The following STK32B variants were observed in gnomAD, a reference collection of about 807,000 sequenced individuals.
STK32B encodes the protein serine/threonine kinase 32B, also known as serine/threonine-protein kinase 32B.
In STK32B, 43 loss-of-function variants were observed where a neutral mutation model predicts 52.6. The ratio of observed to expected loss-of-function variants is 0.82; its 90% CI spans 0.64 to 1.05. STK32B has a LOEUF of 1.05. Among genes scored for constraint, STK32B ranks in the 50% least tolerant of loss-of-function variants. The pLI is 0.00. For missense variants in STK32B, 621 were observed against 534.6 expected, an observed-to-expected ratio of 1.16 and a Z score of -1.59; for synonymous variants, 238 against 204.3, an observed-to-expected ratio of 1.17 and a Z score of -1.41.
chr4:5,482,550 C>T (rs868027927), intron 11 of STK32B, among the ~76,000 whole-genome samples: 6 of 152,162 alleles, frequency 3.9e-5, no homozygotes, highest in South Asian at 2.1e-4. Flanking sequence ...ATTTGACTTC[C>T]TCTTTTCCTA....
chr4:5,317,517 A>G (rs1269707075), intron 3 of STK32B, among the ~76,000 whole-genome samples: 2 of 105,444 alleles, frequency 1.9e-5, no homozygotes, highest in Admixed American at 1.2e-4. Context: ...TGTATAATAT[A>G]TTTATTATAT....
At chr4:5,420,080 A>G (rs1311434331) in intron 6 of STK32B, among the ~76,000 whole-genome samples, 2 of 152,156 alleles carry the variant, frequency 1.3e-5, no homozygotes, top group South Asian at 2.1e-4. Context: ...ATTTCTTTCC[A>G]TTTTAGAGTT....
At chr4:5,446,645 G>A (rs924305800) in intron 6 of STK32B, 28 bp from the exon 7 acceptor site, 1 of 1,602,780 alleles carries the variant, frequency 6.2e-7, no homozygotes, top group Admixed American at 1.7e-5. Context: ...GATACACAAT[G>A]ATGTTCTCCT....
chr4:5,258,690 C>T (rs1206501254), intron 3 of STK32B, among the ~76,000 whole-genome samples: 1 of 152,188 alleles, frequency 6.6e-6, no homozygotes, highest in Non-Finnish European at 1.5e-5. Flanking sequence ...AGCTTCCACC[C>T]TGGTTCAAGT....
At chr4:5,254,852 A>G (rs1474581486) in intron 3 of STK32B, among the ~76,000 whole-genome samples, 1 of 152,090 alleles carries the variant, frequency 6.6e-6, no homozygotes, top group Non-Finnish European at 1.5e-5. Context: ...ATAAAGGATG[A>G]GACTCATGAA....
chr4:5,389,734 C>G (rs936062614), intron 4 of STK32B, among the ~76,000 whole-genome samples: 3 of 152,170 alleles, frequency 2.0e-5, no homozygotes, highest in Admixed American at 6.5e-5. Context: ...AATGCCCCCC[C>G]CAAAGATGCC....
intron 9 of STK32B, among the ~76,000 whole-genome samples, chr4:5,465,235 C>A (rs1305961051): frequency 6.6e-6 from 1 of 152,166 alleles, no homozygotes; most frequent in Non-Finnish European, 1.5e-5. Flanking sequence ...GTGGCAGGGG[C>A]TGGGCTAGGA....
At chr4:5,231,861 T>C (rs981587782) in intron 3 of STK32B, among the ~76,000 whole-genome samples, 2 of 152,008 alleles carry the variant, frequency 1.3e-5, no homozygotes, top group Admixed American at 6.6e-5. Context: ...GCGGGTATTT[T>C]TTGAGGTGGG....
Position 5,460,120 on chromosome 4 carries a change from T to C in STK32B, c.801T>C (p.Pro267=). The C allele has an allele frequency of 6.2e-7, 1 of 1,614,204 alleles. No individual in the cohort carries two copies. The highest frequency in any genetic ancestry group is 8.5e-7 in the Non-Finnish European group (1 of 1,180,036). Residue 267 remains proline, a synonymous_variant, in exon 9 of 12, where the codon CCT becomes CCC. Coordinates refer to ENST00000282908, the MANE Select transcript of STK32B (RefSeq NM_018401.3). The surrounding 1 kb of genome is among the most constrained non-coding windows in gnomAD (Gnocchi z 4.8). ...AACTGCAGCTCCTGACCAAGGATCC[T>C]GAGAGCCGCGTGTCCAGCCTTCATG... ...ALLRKLLTKD[P]ESRVSSLHDI... is the part of the protein sequence containing the mutation.
At chr4:5,334,191 A>G (rs1365824890) in intron 4 of STK32B, among the ~76,000 whole-genome samples, 1 of 151,954 alleles carries the variant, frequency 6.6e-6, no homozygotes, top group African/African-American at 2.4e-5. Context: ...GAGGTCCTTC[A>G]TGTCCCTTGT....
intron 4 of STK32B, among the ~76,000 whole-genome samples, chr4:5,388,872 T>G (rs2109033113): frequency 6.6e-6 from 1 of 152,350 alleles, no homozygotes; most frequent in African/African-American, 2.4e-5. Context: ...TGAGATATAC[T>G]TGGGAGTAAT....
At chr4:5,497,800 A>G (rs1224653329) in intron 11 of STK32B, among the ~76,000 whole-genome samples, 1 of 152,186 alleles carries the variant, frequency 6.6e-6, no homozygotes, top group Non-Finnish European at 1.5e-5. Flanking sequence ...GACCCTGCAT[A>G]TAAGCAGCAT....
At chr4:5,358,848 G>A (rs1178626952) in intron 4 of STK32B, among the ~76,000 whole-genome samples, 6 of 152,194 alleles carry the variant, frequency 3.9e-5, no homozygotes, top group Non-Finnish European at 1.5e-5. Flanking sequence ...AACAGAGACA[G>A]GTAGTGACAA....
At chr4:5,251,165 T>G (rs1577247344) in intron 3 of STK32B, among the ~76,000 whole-genome samples, 2 of 152,222 alleles carry the variant, frequency 1.3e-5, no homozygotes, top group Non-Finnish European at 2.9e-5. Flanking sequence ...TTCCTAGGTT[T>G]TCTTCAAGGG....
chr4:5,063,704 G>T (rs1742303700), intron 1 of STK32B, among the ~76,000 whole-genome samples: 1 of 152,126 alleles, frequency 6.6e-6, no homozygotes, highest in Non-Finnish European at 1.5e-5. Context: ...CTTTGAAATT[G>T]AGTGCATATT....
At chr4:5,158,825 C>A (rs1387992760) in intron 2 of STK32B, among the ~76,000 whole-genome samples, 1 of 152,146 alleles carries the variant, frequency 6.6e-6, no homozygotes, top group African/African-American at 2.4e-5. Flanking sequence ...GATTGGGGCC[C>A]ACCCAAAGAC....
chr4:5,496,645 G>A (rs532639803), intron 11 of STK32B, among the ~76,000 whole-genome samples: 5 of 152,170 alleles, frequency 3.3e-5, no homozygotes, highest in South Asian at 2.1e-4. Flanking sequence ...CTTCTGCGTC[G>A]CTCACACTGG....
intron 1 of STK32B, among the ~76,000 whole-genome samples, chr4:5,092,117 A>G (rs1260289458): frequency 1.3e-5 from 2 of 152,232 alleles, no homozygotes; most frequent in Admixed American, 6.5e-5. Flanking sequence ...AGATAGAGGT[A>G]TGGAATTAGA....
At chr4:5,291,343 T>C (rs1728881461) in intron 3 of STK32B, among the ~76,000 whole-genome samples, 1 of 152,176 alleles carries the variant, frequency 6.6e-6, no homozygotes, top group Non-Finnish European at 1.5e-5. Flanking sequence ...AATGATGTTT[T>C]GTAGTTTTCA....
Sources: gnomAD v4.1 joint callset for allele counts (sites outside exome capture counted in the v4.1 genomes callset) on GRCh38, gnomAD v4.1.1 for gene constraint, Gnocchi (gnomAD v3.1) non-coding constraint, MANE v1.5 for transcripts, NCBI Gene and HGNC (gene_info 2026-07-23, HGNC 2026-07-21) for gene names.